The following MROH1 variants were observed in gnomAD, a reference collection of about 807,000 sequenced individuals.
The protein encoded by MROH1 is maestro heat like repeat family member 1, also known as maestro heat-like repeat-containing protein family member 1.
MROH1 carries 117 observed loss-of-function variants against 116.5 expected under a neutral mutation model. That is an observed-to-expected ratio of 1.00 (90% CI 0.86 to 1.17). MROH1 has a LOEUF of 1.17. Ranked by LOEUF, MROH1 falls within the 50% of genes most tolerant of loss-of-function variation. MROH1 has a pLI of 0.00. For missense variants in MROH1, 1,873 were observed against 1,338.5 expected (o/e 1.40, Z -6.23); for synonymous variants, 921 against 583.9 (o/e 1.58, Z -8.32).
intron 2 of MROH1, among the ~76,000 whole-genome samples, chr8:144,161,593 C>T (rs1173244771): frequency 1.3e-5 from 2 of 152,346 alleles, no homozygotes; most frequent in African/African-American, 4.8e-5. Context: ...CCTTCATTTT[C>T]TGATGTCCAT....
At chr8:144,253,547 C>T (rs1399955990) in intron 33 of MROH1, among the ~76,000 whole-genome samples, 4 of 152,216 alleles carry the variant, frequency 2.6e-5, no homozygotes, top group East Asian at 1.9e-4. Context: ...GCCTCAGCGA[C>T]GGCCACCGCG....
chr8:144,215,544 C>T (rs1196893859), intron 12 of MROH1, among the ~76,000 whole-genome samples: 1 of 152,182 alleles, frequency 6.6e-6, no homozygotes, highest in East Asian at 1.9e-4. Flanking sequence ...CTTCCTGGTC[C>T]CTCAGCTGCA....
rs34361485 is a variant in MROH1 at position 144,241,368 on chromosome 8, G to T, written c.2056-27G>T. ...TGTGTGGCAGTGCGTGCTCTTCCCT[G>T]CCCGGGGTAAGTGTGCTGCCCCCCA... On this transcript the variant is annotated intron_variant, in intron 21 of 43. Transcript: ENST00000326134. 14,042 of 756,946 alleles carry T rather than the reference G, an allele frequency of 0.019. 1,393 individuals carry two copies. In the African/African-American group the frequency reaches 0.21, roughly 11 times the overall value. The allele number at this position is 756,946 out of a possible 1,614,324, so 46.9% of individuals were successfully genotyped here.
At chr8:144,220,509 C>A in intron 12 of MROH1, 91 bp from the exon 13 acceptor site, 1 of 1,149,466 alleles carries the variant, frequency 8.7e-7, no homozygotes, top group Non-Finnish European at 1.2e-6. Flanking sequence ...TACACGGGGA[C>A]CACGGGGAAG....
Position 144,243,503 on chromosome 8 carries a change from C to G in MROH1, c.2362C>G (p.Leu788Val), listed in dbSNP as rs1279440597. 1.3e-6 allele frequency: 1 copy of G among 779,732 alleles called. No homozygotes were observed. Among genetic ancestry groups the G allele is most frequent in the African/African-American group, 1.7e-5 (1 of 59,160 alleles). The allele number at this position is 779,732 out of a possible 1,614,324, so 48.3% of individuals were successfully genotyped here. ...CCCTGCGTCCCTGCAGGACCCAGCC[C>G]TGAAGCTGTGCCTTGTCCAGAGTGT... is the stretch of plus-strand genomic sequence containing the variant. The part of the protein sequence containing the change: ...GIKVETKDPA[L>V]KLCLVQSVCM... The change falls in exon 25 of 44, where the codon CTG becomes GTG. Residue 788 changes from leucine (L) to valine (V), a missense_variant. Physicochemically the swap from Leu to Val is conservative, Grantham distance 32 (BLOSUM62 1). Transcript: ENST00000326134.
In MROH1 at chr8:144,261,356, ACCCCTCCACGGGG is replaced by A. The variant is rs1845018252; in HGVS notation, c.4840+15_4840+27del. The A allele has an allele frequency of 2.8e-6, 2 of 703,446 alleles. No individual in the cohort carries two copies. Among genetic ancestry groups the A allele is most frequent in the Non-Finnish European group, 5.2e-6 (2 of 386,748 alleles). The allele number at this position is 703,446 out of a possible 1,614,324, so 43.6% of individuals were successfully genotyped here. ...CTGGACCAGCTCATTGCGGGTGAGC[ACCCCTCCACGGGG>A]CCCCTCCGCTGGGCCCTGCTGACCC... On this transcript the variant is annotated splice_region_variant and intron_variant, in intron 43 of 43. Transcript: ENST00000326134.
intron 1 of MROH1, among the ~76,000 whole-genome samples, chr8:144,156,242 A>G (rs1038023401): frequency 6.4e-5 from 7 of 109,608 alleles, no homozygotes; most frequent in Non-Finnish European, 9.7e-5. Context: ...CGTCTCAAAG[A>G]AAAAAAAAAA....
intron 13 of MROH1, among the ~76,000 whole-genome samples, chr8:144,222,753 CATAGGTGTGGGT>C (rs368340065): frequency 6.6e-6 from 1 of 151,590 alleles, no homozygotes; most frequent in Non-Finnish European, 1.5e-5. Flanking sequence ...TGGGTGCAGG[CATAGGTGTGGGT>C]ATAGGTGTGG....
chr8:144,148,282 C>T (rs956308061), intron 1 of MROH1, among the ~76,000 whole-genome samples: 3 of 152,210 alleles, frequency 2.0e-5, no homozygotes, highest in African/African-American at 4.8e-5. Context: ...GCGCCACAGC[C>T]CGGAAGAGAG....
At chr8:144,233,753 C>A (rs1263832125) in intron 14 of MROH1, among the ~76,000 whole-genome samples, 1 of 152,190 alleles carries the variant, frequency 6.6e-6, no homozygotes, top group Admixed American at 6.5e-5. Context: ...CATGGACACT[C>A]GGGGTGCTGC....
At chr8:144,230,393 A>C (rs551127046) in intron 14 of MROH1, among the ~76,000 whole-genome samples, 73 of 152,028 alleles carry the variant, frequency 4.8e-4, no homozygotes, top group Non-Finnish European at 4.9e-4. Flanking sequence ...AATTTCCTTC[A>C]AGAGCTTTTC....
At chr8:144,169,458 A>AT (rs5895786) in intron 4 of MROH1, among the ~76,000 whole-genome samples, 131,643 of 144,670 alleles carry the variant, frequency 0.91, 60,329 homozygotes, top group East Asian at 0.99. Flanking sequence ...CATTATTGTT[A>AT]TTTTTTTTTT....
Position 144,163,782 on chromosome 8 carries a change from AGTT to A in MROH1, c.-42_-40del. The A allele has an allele frequency of 6.2e-7, 1 of 1,610,284 alleles. No homozygotes were observed. Among genetic ancestry groups the A allele is most frequent in the Non-Finnish European group, 8.5e-7 (1 of 1,177,484 alleles). On this transcript the variant is annotated 5_prime_UTR_variant, in exon 3 of 44. Transcript: ENST00000326134. This position sits in a 1 kb window ranked among gnomAD's most constrained non-coding sequence, Gnocchi z 4.4. ...TTTGGTTATTCCAGATGGGAGAAGAAGTTGTCCATGTTCACACTGGGTGAAGGA... is the reference window on the plus strand; with the variant it reads ...TTTGGTTATTCCAGATGGGAGAAGAAGTCCATGTTCACACTGGGTGAAGGA...
chr8:144,214,784 C>T (rs550697630), intron 12 of MROH1, among the ~76,000 whole-genome samples: 2 of 152,182 alleles, frequency 1.3e-5, no homozygotes, highest in African/African-American at 4.8e-5. Flanking sequence ...TTAGGGTTCT[C>T]TAGAGGGACA....
In MROH1 at chr8:144,192,418, A is replaced by G. The variant is rs1828855338; in HGVS notation, c.948+17A>G. 6.4e-7 allele frequency: 1 copy of G among 1,566,622 alleles called. No individual in the cohort carries two copies. The highest frequency in any genetic ancestry group is 1.2e-5 in the South Asian group (1 of 85,968). On this transcript the variant is annotated intron_variant, in intron 10 of 43. Coordinates refer to ENST00000326134, the MANE Select transcript of MROH1 (RefSeq NM_032450.3). Reference sequence around the variant, plus strand: ...CACTCCCAGGTAGGAGGCGGGCGTCAGGGGGCGGGTCCAGGTTCTGCACAC... The same window carrying G: ...CACTCCCAGGTAGGAGGCGGGCGTCGGGGGGCGGGTCCAGGTTCTGCACAC...
At chr8:144,165,941 G>A (rs895778566) in intron 3 of MROH1, among the ~76,000 whole-genome samples, 2 of 150,540 alleles carry the variant, frequency 1.3e-5, no homozygotes, top group East Asian at 2.0e-4. Flanking sequence ...GTGCAGTGGC[G>A]TGATCTTGCC....
In MROH1 at chr8:144,198,985, C is replaced by T. The variant is rs1020206390; in HGVS notation, c.949-137C>T. Reference sequence around the variant, plus strand: ...GGCTTGGGTGAGAAAGAGCCTGGAGCGCCCGCTGCATGCTGTAGGCATGGG... The same window carrying T: ...GGCTTGGGTGAGAAAGAGCCTGGAGTGCCCGCTGCATGCTGTAGGCATGGG... On this transcript the variant is annotated intron_variant, in intron 10 of 43. Coordinates refer to ENST00000326134, the MANE Select transcript of MROH1 (RefSeq NM_032450.3). The T allele has an allele frequency of 1.2e-4, 85 of 733,788 alleles. No homozygotes were observed. The South Asian group carries it at 1.4e-3, about 12-fold the overall frequency. The allele number at this position is 733,788 out of a possible 1,614,324, so 45.5% of individuals were successfully genotyped here. A position where few individuals can be genotyped will look rare whatever the true frequency, so the allele number is the denominator to read the frequency against.
At chr8:144,257,405 C>T (rs1844090467) in intron 35 of MROH1, among the ~76,000 whole-genome samples, 1 of 152,154 alleles carries the variant, frequency 6.6e-6, no homozygotes, top group South Asian at 2.1e-4. Context: ...AGCAGGCCCC[C>T]AGCACCTCCT....
At chr8:144,197,900 C>G (rs1830295195) in intron 10 of MROH1, among the ~76,000 whole-genome samples, 2 of 150,294 alleles carry the variant, frequency 1.3e-5, no homozygotes, top group South Asian at 2.1e-4. Flanking sequence ...ATGGAGAAAC[C>G]CTGTCTCTAT....
Sources: allele counts gnomAD v4.1 joint callset (sites outside exome capture counted in the v4.1 genomes callset), GRCh38; gene constraint gnomAD v4.1.1; non-coding constraint Gnocchi (gnomAD v3.1); transcripts MANE v1.5; gene names NCBI Gene and HGNC (gene_info 2026-07-23, HGNC 2026-07-21).